NIPBL: variants seen among roughly 807,000 people sequenced by gnomAD.
NIPBL encodes the protein NIPBL cohesin loading factor.
In NIPBL, 19 loss-of-function variants were observed where a neutral mutation model predicts 321.8. The observed-to-expected ratio is 0.06, with a 90% CI of 0.04 to 0.09. NIPBL has a LOEUF of 0.09. NIPBL is among the 10% of genes least tolerant of loss of function. The pLI, the probability that NIPBL is intolerant of heterozygous loss-of-function variation, is 1.00. For missense variants in NIPBL, 2,210 were observed against 3,327.0 expected, an observed-to-expected ratio of 0.66 and a Z score of 8.26; for synonymous variants, 1,106 against 1,114.1, an observed-to-expected ratio of 0.99 and a Z score of 0.14.
At chr5:36,960,703 GA>G (rs1434007271) in intron 4 of NIPBL, among the ~76,000 whole-genome samples, 33 of 152,142 alleles carry the variant, frequency 2.2e-4, no homozygotes, top group Admixed American at 9.2e-4. Flanking sequence ...ATTGGCTATA[GA>G]AATCATAAGA....
At chr5:36,933,874 C>A (rs577815337) in intron 1 of NIPBL, among the ~76,000 whole-genome samples, 70 of 151,952 alleles carry the variant, frequency 4.6e-4, no homozygotes, top group Non-Finnish European at 7.5e-4. Flanking sequence ...TTTACATTTT[C>A]AGTCCATGTA....
chr5:37,036,376 T>A lies in NIPBL; in HGVS notation c.5863-3T>A. 1 of 994,254 alleles carries A rather than the reference T, an allele frequency of 1.0e-6. No homozygotes were observed. The highest frequency in any genetic ancestry group is 1.4e-6 in the Non-Finnish European group (1 of 730,704). The allele number at this position is 994,254 out of a possible 1,614,324, so 61.6% of individuals were successfully genotyped here. A position where few individuals can be genotyped will look rare whatever the true frequency, so the allele number is the denominator to read the frequency against. On this transcript the variant is annotated splice_polypyrimidine_tract_variant and splice_region_variant and intron_variant, in intron 32 of 46. Transcript: ENST00000282516. ...ATATATATATATATATATGTATATA[T>A]AGTTGTTGAAGTCCGAAGAGGATTC...
chr5:37,018,780 A>T (rs536068849), intron 24 of NIPBL, among the ~76,000 whole-genome samples: 1 of 152,274 alleles, frequency 6.6e-6, no homozygotes, highest in South Asian at 2.1e-4. Flanking sequence ...GATCATTTTT[A>T]TGTCAACTAC....
chr5:37,047,942 T>A (rs938725508), intron 38 of NIPBL, among the ~76,000 whole-genome samples: 1 of 152,216 alleles, frequency 6.6e-6, no homozygotes, highest in African/African-American at 2.4e-5. Flanking sequence ...ATGGAAGATA[T>A]TTTTAGCTCT....
intron 5 of NIPBL, 151 bp downstream of exon 5, chr5:36,961,734 A>G (rs988451215): frequency 1.5e-6 from 1 of 683,308 alleles, no homozygotes; most frequent in African/African-American, 1.8e-5. Flanking sequence ...TTTGCCTTAA[A>G]ATGTTGTATA....
At position 37,064,790 on chromosome 5, in the gene NIPBL, T is replaced by C. The variant is rs765799258; in HGVS notation, c.8313T>C (p.Ile2771=). The stretch of plus-strand genomic sequence containing the variant: ...TAGACACTATTAAAGAGTCAGACAT[T>C]ATTTACAAAAAAATTGCTCTAACGA... ...PWVDTIKESD[I]IYKKIALTSA... is the part of the protein sequence containing the mutation. Residue 2771 remains isoleucine (I), a synonymous_variant, in exon 47 of 47, where the codon ATT becomes ATC. Transcript: ENST00000282516. The C allele has an allele frequency of 9.9e-6, 16 of 1,614,172 alleles. No homozygotes were observed. The East Asian group carries it at 2.9e-4, about 29-fold the overall frequency.
intron 1 of NIPBL, among the ~76,000 whole-genome samples, chr5:36,935,177 T>G (rs949471394): frequency 2.6e-5 from 4 of 152,144 alleles, no homozygotes; most frequent in Non-Finnish European, 5.9e-5. Context: ...GGTCTCACTT[T>G]AAAGGCAGTG....
intron 1 of NIPBL, among the ~76,000 whole-genome samples, chr5:36,938,454 G>A (rs556132582): frequency 2.6e-5 from 4 of 152,236 alleles, no homozygotes; most frequent in South Asian, 2.1e-4. Flanking sequence ...TCTGGTTAAA[G>A]ATTATGGTAG....
intron 29 of NIPBL, among the ~76,000 whole-genome samples, chr5:37,022,905 A>G (rs1159735908): frequency 6.6e-6 from 1 of 152,212 alleles, no homozygotes; most frequent in Admixed American, 6.5e-5. Context: ...GAGCAAACTA[A>G]AGAGGTTCTA....
intron 38 of NIPBL, 88 bp downstream of exon 38, chr5:37,046,287 T>C (rs1752973141): frequency 3.8e-6 from 3 of 793,412 alleles, no homozygotes; most frequent in Admixed American, 1.9e-5. Context: ...GTTGATTTAC[T>C]TTAATATGTT....
intron 27 of NIPBL, among the ~76,000 whole-genome samples, chr5:37,021,423 A>G (rs559781552): frequency 6.6e-6 from 1 of 152,008 alleles, no homozygotes; most frequent in Non-Finnish European, 1.5e-5. Context: ...AAAACATCCA[A>G]CTAAATCCCA....
At chr5:37,033,885 TCTGAGTAGGAAAGGATGC>T (rs1023837263) in intron 32 of NIPBL, among the ~76,000 whole-genome samples, 5 of 151,102 alleles carry the variant, frequency 3.3e-5, no homozygotes, top group Non-Finnish European at 7.4e-5. Flanking sequence ...ATTTTTGATC[TCTGAGTAGGAAAGGATGC>T]CTTAAACAAG....
chr5:36,883,707 C>A (rs1237353659), intron 1 of NIPBL, among the ~76,000 whole-genome samples: 2 of 151,852 alleles, frequency 1.3e-5, no homozygotes, highest in African/African-American at 2.4e-5. Context: ...ACTTGTCAAC[C>A]CTTTCAGTAT....
chr5:36,971,197 G>T (rs1287006032), intron 7 of NIPBL, among the ~76,000 whole-genome samples, 161 bp downstream of exon 7: 1 of 151,836 alleles, frequency 6.6e-6, no homozygotes, highest in Non-Finnish European at 1.5e-5. Context: ...TCTAGAGCAG[G>T]ATTGGTCAAG....
chr5:37,057,416 T>C (rs1243218818), intron 43 of NIPBL, 84 bp downstream of exon 43: 23 of 1,312,024 alleles, frequency 1.8e-5, no homozygotes, highest in Non-Finnish European at 2.5e-5. Flanking sequence ...CATTATTCTT[T>C]TTATCCTCTT....
intron 43 of NIPBL, 87 bp downstream of exon 43, chr5:37,057,419 A>G: frequency 7.7e-7 from 1 of 1,295,548 alleles, no homozygotes; most frequent in South Asian, 1.2e-5. Flanking sequence ...TATTCTTTTT[A>G]TCCTCTTCAC....
chr5:36,962,856 C>G (rs1741782421), intron 6 of NIPBL, among the ~76,000 whole-genome samples: 1 of 152,046 alleles, frequency 6.6e-6, no homozygotes, highest in South Asian at 2.1e-4. Flanking sequence ...GTGCATAGGG[C>G]TATATGCAAG....
At chr5:36,952,873 C>T (rs912199304) in intron 1 of NIPBL, among the ~76,000 whole-genome samples, 2 of 151,928 alleles carry the variant, frequency 1.3e-5, no homozygotes, top group African/African-American at 4.8e-5. Context: ...AAAGATGTCA[C>T]AAAGGAATAT....
intron 1 of NIPBL, among the ~76,000 whole-genome samples, chr5:36,939,608 A>G (rs535339987): frequency 2.0e-5 from 3 of 152,316 alleles, no homozygotes; most frequent in East Asian, 3.9e-4. Context: ...TTGTGCTGCT[A>G]TAACAGAATA....
Sources: gnomAD v4.1 joint callset for allele counts (sites outside exome capture counted in the v4.1 genomes callset) on GRCh38, gnomAD v4.1.1 for gene constraint, MANE v1.5 for transcripts, NCBI Gene and HGNC (gene_info 2026-07-23, HGNC 2026-07-21) for gene names.